LRRC15: variants seen among roughly 807,000 people sequenced by gnomAD.
LRRC15 encodes leucine rich repeat containing 15.
In LRRC15, 5 loss-of-function variants were observed where a neutral mutation model predicts 4.3. The observed-to-expected ratio is 1.16, with a 90% CI of 0.61 to 2.44. The LOEUF is 2.44. Among genes scored for constraint, LRRC15 ranks in the 30% most tolerant of loss-of-function variants. The probability of loss-of-function intolerance (pLI) is 0.01; values close to 1 mark genes in which losing one functional copy is unlikely to be tolerated. For synonymous variants in LRRC15, 337 were observed against 323.2 expected (o/e 1.04, Z -0.46); for missense variants, 769 against 747.0 (o/e 1.03, Z -0.34).
chr3:194,366,860 C>T (rs1713794913), intron 1 of LRRC15, among the ~76,000 whole-genome samples: 1 of 152,086 alleles, frequency 6.6e-6, no homozygotes, highest in Non-Finnish European at 1.5e-5. Flanking sequence ...CCCAAGGTCA[C>T]ACAGTCCGTT....
rs748458933 is a variant in LRRC15, at chr3:194,360,211, C to T, written c.833G>A (p.Gly278Glu). The change falls in exon 2 of 2, where the codon GGG (glycine) becomes GAG (glutamate). Residue 278 changes from glycine (G) to glutamate (E), a missense_variant. By Grantham distance (98) the Gly-to-Glu change is moderately conservative (BLOSUM62 -2). Coordinates refer to ENST00000347624, the MANE Select transcript of LRRC15 (RefSeq NM_130830.5). ...CGGAGAGAGCTCCTTCAGGGAATTCCCAAAGAGAGTAAGACGGTTGAGCTG... is the reference window on the plus strand; with the variant it reads ...CGGAGAGAGCTCCTTCAGGGAATTCTCAAAGAGAGTAAGACGGTTGAGCTG... The part of the protein sequence containing the change: ...LPQLNRLTLF[G>E]NSLKELSPGI... The T allele has an allele frequency of 9.7e-5, 156 of 1,613,702 alleles. No individual in the cohort carries two copies. The highest frequency in any genetic ancestry group is 1.3e-4 in the Non-Finnish European group (150 of 1,179,760).
intron 1 of LRRC15, among the ~76,000 whole-genome samples, chr3:194,369,387 G>A (rs1358238907): frequency 1.3e-5 from 2 of 152,240 alleles, no homozygotes; most frequent in African/African-American, 4.8e-5. Context: ...CAGCACCCCA[G>A]GTTGACATCA....
chr3:194,362,389 T>C (rs1038217813), intron 1 of LRRC15, among the ~76,000 whole-genome samples: 17 of 152,146 alleles, frequency 1.1e-4, no homozygotes, highest in African/African-American at 4.1e-4. Context: ...TCCATGCTTA[T>C]CCACAGCATG....
At chr3:194,366,520 C>A (rs564162784) in intron 1 of LRRC15, among the ~76,000 whole-genome samples, 1 of 151,790 alleles carries the variant, frequency 6.6e-6, no homozygotes, top group East Asian at 1.9e-4. Flanking sequence ...AGAAACACCA[C>A]GTGAGGTCTA....
At chr3:194,361,674 T>A (rs1415964286) in intron 1 of LRRC15, among the ~76,000 whole-genome samples, 1 of 151,944 alleles carries the variant, frequency 6.6e-6, no homozygotes, top group Non-Finnish European at 1.5e-5. Context: ...TGCCGGGAGG[T>A]GCAGCAGCGG....
intron 1 of LRRC15, among the ~76,000 whole-genome samples, chr3:194,365,823 T>A (rs1713758679): frequency 6.6e-6 from 1 of 152,066 alleles, no homozygotes; most frequent in Non-Finnish European, 1.5e-5. Flanking sequence ...CACTTAGTAA[T>A]CAGCATGTCC....
intron 1 of LRRC15, among the ~76,000 whole-genome samples, chr3:194,362,806 T>A (rs1464913970): frequency 6.6e-6 from 1 of 152,136 alleles, no homozygotes; most frequent in African/African-American, 2.4e-5. Flanking sequence ...GTCTGGAGCC[T>A]GGCCCACGTC....
At position 194,360,774 on chromosome 3, in the gene LRRC15, C is replaced by G. The variant is rs1203638096; in HGVS notation, c.270G>C (p.Ser90=). Residue 90 remains serine, a synonymous_variant, in exon 2 of 2, where the codon TCG becomes TCC. Coordinates refer to ENST00000347624, the MANE Select transcript of LRRC15 (RefSeq NM_130830.5). ...IALRIEKNEL[S]RITPGAFRNL... is the part of the protein sequence containing the mutation. ...TTCGGAAGGCCCCAGGCGTGATGCGCGACAGCTCATTCTTCTCAATCCTCA... is the reference window on the plus strand; with the variant it reads ...TTCGGAAGGCCCCAGGCGTGATGCGGGACAGCTCATTCTTCTCAATCCTCA... 6.2e-7 allele frequency: 1 copy of G among 1,614,198 alleles called. No individual in the cohort carries two copies. Among genetic ancestry groups the G allele is most frequent in the East Asian group, 2.2e-5 (1 of 44,876 alleles).
At chr3:194,362,940 T>TTG (rs1713672928) in intron 1 of LRRC15, among the ~76,000 whole-genome samples, 1 of 50,522 alleles carries the variant, frequency 2.0e-5, no homozygotes, top group African/African-American at 2.4e-4. Flanking sequence ...CTTGATTTTG[T>TTG]TTTTTTTTTT....
intron 1 of LRRC15, among the ~76,000 whole-genome samples, chr3:194,369,227 C>G (rs1260015905): frequency 6.6e-6 from 1 of 152,240 alleles, no homozygotes; most frequent in Non-Finnish European, 1.5e-5. Context: ...AGGGCAAGTG[C>G]CAGGAAAGAT....
At chr3:194,362,322 G>C (rs1713653646) in intron 1 of LRRC15, among the ~76,000 whole-genome samples, 1 of 152,168 alleles carries the variant, frequency 6.6e-6, no homozygotes, top group Non-Finnish European at 1.5e-5. Flanking sequence ...TGTGAGGAGC[G>C]AATGCGGAAA....
chr3:194,364,938 C>T (rs1713735260), intron 1 of LRRC15, among the ~76,000 whole-genome samples: 1 of 152,228 alleles, frequency 6.6e-6, no homozygotes. Context: ...GGACTGACAG[C>T]TGGGCCCTTG....
At position 194,360,065 on chromosome 3, in the gene LRRC15, T is replaced by C; in HGVS notation, c.979A>G (p.Asn327Asp). ...RQLQVLILSR[N>D]QISFISPGAF... Reference sequence around the variant, plus strand: ...CCCGGGGAGATGAAGCTGATCTGATTGCGGCTAAGAATCAGGACCTGCAAC... The same window carrying C: ...CCCGGGGAGATGAAGCTGATCTGATCGCGGCTAAGAATCAGGACCTGCAAC... Residue 327 changes from asparagine to aspartate, a missense_variant, in exon 2 of 2, where the codon AAT becomes GAT. By Grantham distance (23) the Asn-to-Asp change is conservative. Coordinates refer to ENST00000347624, the MANE Select transcript of LRRC15 (RefSeq NM_130830.5). 6.2e-7 allele frequency: 1 copy of C among 1,614,166 alleles called. No homozygotes were observed. The highest frequency in any genetic ancestry group is 8.5e-7 in the Non-Finnish European group (1 of 1,180,028).
rs372437949 is a variant in LRRC15 at position 194,359,369 on chromosome 3, C to T, written c.1675G>A (p.Val559Ile). 2.9e-5 allele frequency: 47 copies of T among 1,613,956 alleles called. 1 individual carries two copies. Among genetic ancestry groups the T allele is most frequent in the Admixed American group, 8.3e-5 (5 of 60,006 alleles). Residue 559 changes from valine to isoleucine, a missense_variant, in exon 2 of 2, where the codon GTC becomes ATC. Val to Ile is a conservative substitution (Grantham distance 29). Transcript: ENST00000347624. ...VALACSLAAC[V>I]GCCCCKKRSQ... ...CTCTTCTTGCAGCAGCAACAGCCGA[C>T]GCAGGCAGCCAGGGAGCAGGCCAGG...
chr3:194,359,050 T>A lies in LRRC15; in HGVS notation c.*248A>T. Reference sequence around the variant, plus strand: ...CCCTCTCGAAGGAAGCCCAGGGGTATGAATCGGAAATCCCCAGGGCTTTTG... The same window carrying A: ...CCCTCTCGAAGGAAGCCCAGGGGTAAGAATCGGAAATCCCCAGGGCTTTTG... On this transcript the variant is annotated 3_prime_UTR_variant, in exon 2 of 2. Coordinates refer to ENST00000347624, the MANE Select transcript of LRRC15 (RefSeq NM_130830.5). 2.6e-6 allele frequency: 1 copy of A among 387,686 alleles called. No homozygotes were observed. The highest frequency in any genetic ancestry group is 4.6e-6 in the Non-Finnish European group (1 of 216,898). The allele number at this position is 387,686 out of a possible 1,614,324, so 24.0% of individuals were successfully genotyped here. A position where few individuals can be genotyped will look rare whatever the true frequency, so the allele number is the denominator to read the frequency against.
rs1198110036 is a variant in LRRC15 at position 194,356,985 on chromosome 3, G to T, written c.*2313C>A. ...CTGGGCTCACTTCCTGTTGGCTCTG[G>T]CAAGCCTTGGTGCATGTCCTCCAGG... On this transcript the variant is annotated 3_prime_UTR_variant, in exon 2 of 2. Transcript: ENST00000347624. The T allele has an allele frequency of 6.6e-6, 1 of 152,316 alleles. No individual in the cohort carries two copies. The highest frequency in any genetic ancestry group is 6.5e-5 in the Admixed American group (1 of 15,284). 9.4% of individuals were successfully genotyped at this position (152,316 alleles called of 1,614,324 possible).
At position 194,360,616 on chromosome 3, in the gene LRRC15, G is replaced by T. The variant is rs768769401; in HGVS notation, c.428C>A (p.Ala143Asp). ...GAGGTTGCTGCACTGGGAGAAGTGG[G>T]CCGGCTGGATCTGCAACAGCTGGTT... ...SSNQLLQIQP[A>D]HFSQCSNLKE... The change falls in exon 2 of 2, where the codon GCC becomes GAC. Residue 143 changes from alanine (A) to aspartate (D), a missense_variant. Transcript: ENST00000347624. 8 of 1,614,076 alleles carry T rather than the reference G, an allele frequency of 5.0e-6. No homozygotes were observed. In the Admixed American group the frequency reaches 6.7e-5, roughly 13 times the overall value.
intron 1 of LRRC15, among the ~76,000 whole-genome samples, chr3:194,366,415 A>G (rs1252485536): frequency 6.6e-6 from 1 of 152,206 alleles, no homozygotes; most frequent in Non-Finnish European, 1.5e-5. Flanking sequence ...CCACCCGCAG[A>G]GATCCTGATC....
Position 194,360,248 on chromosome 3 carries a change from T to A in LRRC15, c.796A>T (p.Met266Leu), listed in dbSNP as rs752705369. 6.2e-7 allele frequency: 1 copy of A among 1,613,760 alleles called. No homozygotes were observed. Among genetic ancestry groups the A allele is most frequent in the South Asian group, 1.1e-5 (1 of 91,070 alleles). ...AGACGGTTGAGCTGGGGCAGCTGCA[T>A]GAAGACGCTGGGTGGCAGCTGGGAG... ...HISQLPPSVF[M>L]QLPQLNRLTL... Residue 266 changes from methionine (M) to leucine (L), a missense_variant, in exon 2 of 2, where the codon ATG becomes TTG. Coordinates refer to ENST00000347624, the MANE Select transcript of LRRC15 (RefSeq NM_130830.5).
Sources: gnomAD v4.1 joint callset for allele counts (sites outside exome capture counted in the v4.1 genomes callset) on GRCh38, gnomAD v4.1.1 for gene constraint, MANE v1.5 for transcripts, NCBI Gene and HGNC (gene_info 2026-07-23, HGNC 2026-07-21) for gene names.